Variants in PAQR3 observed in about 807,000 individuals in gnomAD.
PAQR3 encodes the protein progestin and adipoQ receptor family member 3.
PAQR3 carries 39 observed loss-of-function variants against 41.7 expected under a neutral mutation model. The observed-to-expected ratio is 0.93, with a 90% CI of 0.72 to 1.22. PAQR3 has a LOEUF of 1.22. Among genes scored for constraint, PAQR3 ranks in the 50% most tolerant of loss-of-function variants. The pLI is 0.00. For synonymous variants in PAQR3, 140 were observed against 140.6 expected, an observed-to-expected ratio of 1.00 and a Z score of 0.03; for missense variants, 366 against 385.6, an observed-to-expected ratio of 0.95 and a Z score of 0.42.
chr4:78,939,225 C>T lies in PAQR3; in HGVS notation c.-1G>A. On this transcript the variant is annotated 5_prime_UTR_variant, in exon 1 of 6. Coordinates refer to ENST00000512733, the MANE Select transcript of PAQR3 (RefSeq NM_001040202.2). ...CGCTCTTCAGCAGCTTCTGATGCAT[C>T]GTTCCCGGCCGCCGCCGCTCCCCGG... 6 of 1,577,714 alleles carry T rather than the reference C, an allele frequency of 3.8e-6. No homozygotes were observed. Among genetic ancestry groups the T allele is most frequent in the African/African-American group, 1.4e-5 (1 of 71,554 alleles).
intron 11 of PAQR3, among the ~76,000 whole-genome samples, chr4:78,897,031 C>G (rs1733737674): frequency 6.6e-6 from 1 of 151,778 alleles, no homozygotes; most frequent in South Asian, 2.1e-4. Flanking sequence ...AAATATATTG[C>G]TTGGGGGGAA....
chr4:78,909,864 C>G (rs2110108262), downstream of PAQR3, among the ~76,000 whole-genome samples: 1 of 152,308 alleles, frequency 6.6e-6, no homozygotes, highest in South Asian at 2.1e-4. Context: ...GCAAAGTGCC[C>G]TATATTTCTT....
In PAQR3 at chr4:78,939,138, G is replaced by A. The variant is rs752148490; in HGVS notation, c.87C>T (p.Arg29=). The change falls in exon 1 of 6, where the codon CGC becomes CGT. Residue 29 remains arginine (R), a synonymous_variant. Coordinates refer to ENST00000512733, the MANE Select transcript of PAQR3 (RefSeq NM_001040202.2). ...CGGGGATCTGCTCGTAGGTGTACAG[G>A]CGGATGCCACGGGGCACCAGGACCG... ...YWPVLVPRGI[R]LYTYEQIPGS... is the part of the protein sequence containing the mutation. 1.9e-6 allele frequency: 3 copies of A among 1,613,860 alleles called. No individual in the cohort carries two copies. Among genetic ancestry groups the A allele is most frequent in the South Asian group, 2.2e-5 (2 of 91,054 alleles).
chr4:78,932,562 A>C (rs1432705308), intron 2 of PAQR3, among the ~76,000 whole-genome samples: 1 of 152,216 alleles, frequency 6.6e-6, no homozygotes, highest in Non-Finnish European at 1.5e-5. Flanking sequence ...CTCATTGTTT[A>C]ACGCAAATGT....
chr4:78,920,152 G>C lies in PAQR3; in HGVS notation c.*387C>G, dbSNP rs1489759430. 1 of 988,864 alleles carries C rather than the reference G, an allele frequency of 1.0e-6. No homozygotes were observed. Among genetic ancestry groups the C allele is most frequent in the Non-Finnish European group, 1.2e-6 (1 of 832,226 alleles). The allele number at this position is 988,864 out of a possible 1,614,324, so 61.3% of individuals were successfully genotyped here. On this transcript the variant is annotated 3_prime_UTR_variant, in exon 6 of 6. Coordinates refer to ENST00000512733, the MANE Select transcript of PAQR3 (RefSeq NM_001040202.2). ...TTGCCTTGATTAGGCACTTAAACTTGACAATTAACTGAAAATAATTAAGCA... is the reference window on the plus strand; with the variant it reads ...TTGCCTTGATTAGGCACTTAAACTTCACAATTAACTGAAAATAATTAAGCA...
chr4:78,910,815 G>C, downstream of PAQR3: 1 of 1,613,906 alleles, frequency 6.2e-7, no homozygotes, highest in Non-Finnish European at 8.5e-7. Context: ...GCAGTGAAGA[G>C]GAAGAGCAAG....
At chr4:78,928,928 T>C (rs1034240689) in intron 3 of PAQR3, among the ~76,000 whole-genome samples, 5 of 152,234 alleles carry the variant, frequency 3.3e-5, no homozygotes, top group African/African-American at 7.2e-5. Flanking sequence ...AAGCATTACA[T>C]TGCACAACCT....
At chr4:78,887,211 A>G in exon 13 of PAQR3, 1 of 1,611,558 alleles carries the variant, frequency 6.2e-7, no homozygotes, top group Non-Finnish European at 8.5e-7. Context: ...ATAAGAATGT[A>G]GACTCACTTT....
intron 11 of PAQR3, among the ~76,000 whole-genome samples, chr4:78,889,939 A>C (rs1733340035): frequency 6.6e-6 from 1 of 152,210 alleles, no homozygotes; most frequent in African/African-American, 2.4e-5. Context: ...TTCATTTAAG[A>C]ACCACTGTCC....
rs1734759913 is a variant in PAQR3 at position 78,913,212 on chromosome 4, G to T, written c.*7327C>A. On this transcript the variant is annotated 3_prime_UTR_variant, in exon 6 of 6. Transcript: ENST00000512733. Reference sequence around the variant, plus strand: ...AGCCTTATATAAAGGCAGGATTCATGCATCCTGCTGCAAGTACCTCTGCAC... The same window carrying T: ...AGCCTTATATAAAGGCAGGATTCATTCATCCTGCTGCAAGTACCTCTGCAC... The T allele has an allele frequency of 6.6e-6, 1 of 152,074 alleles. No homozygotes were observed. Among genetic ancestry groups the T allele is most frequent in the Non-Finnish European group, 1.5e-5 (1 of 67,980 alleles). 9.4% of individuals were successfully genotyped at this position (152,074 alleles called of 1,614,324 possible). A position where few individuals can be genotyped will look rare whatever the true frequency, so the allele number is the denominator to read the frequency against.
At chr4:78,928,127 A>T (rs889185357) in intron 3 of PAQR3, among the ~76,000 whole-genome samples, 1 of 152,230 alleles carries the variant, frequency 6.6e-6, no homozygotes, top group Non-Finnish European at 1.5e-5. Flanking sequence ...ATTTACAAAA[A>T]GTATCTCACT....
intron 3 of PAQR3, among the ~76,000 whole-genome samples, chr4:78,928,706 T>C (rs889231148): frequency 6.6e-6 from 1 of 152,246 alleles, no homozygotes; most frequent in African/African-American, 2.4e-5. Flanking sequence ...AATTTTTCCA[T>C]GGATCATGGT....
intron 3 of PAQR3, among the ~76,000 whole-genome samples, chr4:78,929,603 A>C (rs1736610551): frequency 6.6e-6 from 1 of 152,254 alleles, no homozygotes; most frequent in African/African-American, 2.4e-5. Context: ...CAGAATTCAG[A>C]AAAGACACAT....
intron 4 of PAQR3, among the ~76,000 whole-genome samples, chr4:78,926,096 C>T (rs1014274995): frequency 1.3e-5 from 2 of 152,070 alleles, no homozygotes; most frequent in African/African-American, 2.4e-5. Context: ...CCACACTCAT[C>T]GGGTCCAACA....
At position 78,919,759 on chromosome 4, in the gene PAQR3, A is replaced by T. The variant is rs1475411660; in HGVS notation, c.*780T>A. 1 of 984,348 alleles carries T rather than the reference A, an allele frequency of 1.0e-6. No individual in the cohort carries two copies. Among genetic ancestry groups the T allele is most frequent in the East Asian group, 1.1e-4 (1 of 8,816 alleles). The allele number at this position is 984,348 out of a possible 1,614,324, so 61.0% of individuals were successfully genotyped here. A position where few individuals can be genotyped will look rare whatever the true frequency, so the allele number is the denominator to read the frequency against. ...GTAATCCACTCACAAGAATTCAGTT[A>T]TTATATGGAATTAAATAATATCTGG... On this transcript the variant is annotated 3_prime_UTR_variant, in exon 6 of 6. Coordinates refer to ENST00000512733, the MANE Select transcript of PAQR3 (RefSeq NM_001040202.2).
In PAQR3 at chr4:78,912,319, A is replaced by G; in HGVS notation, c.*8220T>C. On this transcript the variant is annotated 3_prime_UTR_variant, in exon 6 of 6. Transcript: ENST00000512733. ...AGTGTGGTACTTCCAGTGAAAGCACATGGCACCTTTCTAGGTGTGTAGCCA... is the reference window on the plus strand; with the variant it reads ...AGTGTGGTACTTCCAGTGAAAGCACGTGGCACCTTTCTAGGTGTGTAGCCA... 1 of 328,296 alleles carries G rather than the reference A, an allele frequency of 3.0e-6. No homozygotes were observed. Among genetic ancestry groups the G allele is most frequent in the Non-Finnish European group, 5.6e-6 (1 of 179,734 alleles). The allele number at this position is 328,296 out of a possible 1,614,324, so 20.3% of individuals were successfully genotyped here. A position where few individuals can be genotyped will look rare whatever the true frequency, so the allele number is the denominator to read the frequency against.
intron 11 of PAQR3, among the ~76,000 whole-genome samples, chr4:78,889,484 TATA>T: frequency 6.6e-6 from 1 of 152,180 alleles, no homozygotes; most frequent in Non-Finnish European, 1.5e-5. Context: ...TGCTACTTAT[TATA>T]AAGCTTTGAA....
At chr4:78,932,192 A>G (rs908818384) in intron 2 of PAQR3, among the ~76,000 whole-genome samples, 6 of 152,180 alleles carry the variant, frequency 3.9e-5, no homozygotes, top group Admixed American at 3.9e-4. Context: ...CTTTGCCACA[A>G]CTTCATTGCT....
chr4:78,908,176 T>C (rs1734381846), downstream of PAQR3, among the ~76,000 whole-genome samples: 1 of 152,200 alleles, frequency 6.6e-6, no homozygotes, highest in South Asian at 2.1e-4. Context: ...GAAGATTATA[T>C]TTGCAATTAA....
Sources: allele counts gnomAD v4.1 joint callset (sites outside exome capture counted in the v4.1 genomes callset), GRCh38; gene constraint gnomAD v4.1.1; transcripts MANE v1.5; gene names NCBI Gene and HGNC (gene_info 2026-07-23, HGNC 2026-07-21).